The following CLEC6A variants were observed in gnomAD, a reference collection of about 807,000 sequenced individuals.
CLEC6A encodes C-type lectin domain family 6 member A.
Under a neutral mutation model 25.7 loss-of-function variants are expected in CLEC6A, and 22 were observed. That is an observed-to-expected ratio of 0.85 (90% confidence interval 0.61 to 1.22). CLEC6A has a LOEUF of 1.22. CLEC6A is among the 50% of genes most tolerant of loss of function. The pLI, the probability that CLEC6A is intolerant of heterozygous loss-of-function variation, is 0.00. For missense variants in CLEC6A, 240 were observed against 236.8 expected, an observed-to-expected ratio of 1.01 and a Z score of -0.09; for synonymous variants, 92 against 76.7, an observed-to-expected ratio of 1.20 and a Z score of -1.04.
chr12:8,471,525 T>C (rs1157728768), intron 4 of CLEC6A, among the ~76,000 whole-genome samples: 2 of 152,130 alleles, frequency 1.3e-5, no homozygotes, highest in African/African-American at 2.4e-5. Context: ...GGTATGTTTC[T>C]AGAATTCTAT....
At chr12:8,472,412 G>A (rs1939917404) in intron 4 of CLEC6A, among the ~76,000 whole-genome samples, 1 of 152,080 alleles carries the variant, frequency 6.6e-6, no homozygotes, top group Non-Finnish European at 1.5e-5. Context: ...AGTCCCTAAG[G>A]CAGTCCCCTG....
At chr12:8,475,358 G>A (rs1480764694) in intron 4 of CLEC6A, among the ~76,000 whole-genome samples, 1 of 151,748 alleles carries the variant, frequency 6.6e-6, no homozygotes, top group East Asian at 1.9e-4. Flanking sequence ...GTGTGTGTGT[G>A]TGTGTGTGTC....
Position 8,461,131 on chromosome 12 carries a change from C to T in CLEC6A, c.223+1433C>T, listed in dbSNP as rs202223465. On this transcript the variant is annotated intron_variant, in intron 3 of 5. Transcript: ENST00000382073. ...GCTGACATCTGCAGGCTGAAAGAGC[C>T]GTGGCCTTGGAAAGGGCCATAAGTT... is the stretch of plus-strand genomic sequence containing the variant. The T allele has an allele frequency of 1.3e-4, 213 of 1,585,326 alleles. 1 individual carries two copies. The highest frequency in any genetic ancestry group is 2.3e-4 in the South Asian group (21 of 90,676).
intron 4 of CLEC6A, among the ~76,000 whole-genome samples, chr12:8,468,347 G>A (rs1033419070): frequency 2.0e-5 from 3 of 152,176 alleles, no homozygotes; most frequent in African/African-American, 4.8e-5. Context: ...TTTGCATTCT[G>A]AAACTGCTGA....
intron 4 of CLEC6A, among the ~76,000 whole-genome samples, chr12:8,475,009 T>A (rs1293606290): frequency 6.6e-6 from 1 of 152,084 alleles, no homozygotes; most frequent in African/African-American, 2.4e-5. Context: ...TATTAGGTAT[T>A]TCTCCTAATG....
At chr12:8,462,290 A>G (rs1939767709) in intron 3 of CLEC6A, among the ~76,000 whole-genome samples, 1 of 146,306 alleles carries the variant, frequency 6.8e-6, no homozygotes, top group Non-Finnish European at 1.5e-5. Flanking sequence ...CCCATGTGAT[A>G]GTCTGAAATA....
In CLEC6A at chr12:8,457,904, G is replaced by A; in HGVS notation, c.38G>A (p.Arg13Lys). The change falls in exon 2 of 6, where the codon AGA (arginine) becomes AAA (lysine). Residue 13 changes from arginine (R) to lysine (K), a missense_variant. By Grantham distance (26) the Arg-to-Lys change is conservative. Transcript: ENST00000382073. ...QEQQPQSTEKRGWLSLRLWSV... is the reference protein window; with the variant it reads ...QEQQPQSTEKKGWLSLRLWSV... ...TGTCTTCCTGATTGGACAGAGAAAA[G>A]AGGCTGGTTGTCCCTGAGACTCTGG... The A allele has an allele frequency of 6.2e-7, 1 of 1,613,630 alleles. No individual in the cohort carries two copies. Among genetic ancestry groups the A allele is most frequent in the Non-Finnish European group, 8.5e-7 (1 of 1,179,554 alleles).
chr12:8,474,981 C>A (rs1456571136), intron 4 of CLEC6A, among the ~76,000 whole-genome samples: 1 of 151,858 alleles, frequency 6.6e-6, no homozygotes, highest in South Asian at 2.1e-4. Flanking sequence ...TTTGCTGCAC[C>A]CATTAACTCA....
chr12:8,473,003 T>TGG (rs1257327881), intron 4 of CLEC6A, among the ~76,000 whole-genome samples: 2 of 2,048 alleles, frequency 9.8e-4, no homozygotes, highest in Middle Eastern at 0.1. Context: ...TCTTTTTTTT[T>TGG]TTTTTTTTTT....
intron 4 of CLEC6A, among the ~76,000 whole-genome samples, chr12:8,468,436 G>C (rs891997298): frequency 6.6e-6 from 1 of 152,184 alleles, no homozygotes; most frequent in Admixed American, 6.5e-5. Flanking sequence ...TCTGTGAACA[G>C]AGACAATTTT....
intron 4 of CLEC6A, among the ~76,000 whole-genome samples, chr12:8,469,769 A>T (rs1939881816): frequency 6.6e-6 from 1 of 152,232 alleles, no homozygotes; most frequent in African/African-American, 2.4e-5. Context: ...TTCTCATCTT[A>T]TACAAAAATC....
intron 3 of CLEC6A, among the ~76,000 whole-genome samples, chr12:8,460,229 G>C: frequency 6.6e-6 from 1 of 152,308 alleles, no homozygotes; most frequent in East Asian, 1.9e-4. Flanking sequence ...AGACATACCC[G>C]AGACTGGGCA....
At chr12:8,456,918 T>C (rs767073453) in intron 1 of CLEC6A, among the ~76,000 whole-genome samples, 3 of 152,154 alleles carry the variant, frequency 2.0e-5, no homozygotes, top group Non-Finnish European at 2.9e-5. Context: ...GAGACCAGCC[T>C]GGCCAACATG....
intron 4 of CLEC6A, among the ~76,000 whole-genome samples, chr12:8,467,838 T>C (rs764598160): frequency 1.3e-5 from 2 of 152,244 alleles, no homozygotes; most frequent in Non-Finnish European, 2.9e-5. Flanking sequence ...TCCTCTTTGG[T>C]TTCCTTTATC....
chr12:8,464,209 TA>T, intron 3 of CLEC6A, among the ~76,000 whole-genome samples: 2 of 152,170 alleles, frequency 1.3e-5, no homozygotes, highest in East Asian at 3.9e-4. Context: ...TATAGTTATG[TA>T]AAAAAATGAA....
intron 3 of CLEC6A, chr12:8,460,838 C>A: frequency 1.0e-6 from 1 of 995,238 alleles, no homozygotes; most frequent in Non-Finnish European, 1.6e-6. Context: ...CAAAAACGCC[C>A]AGTTCCTAAG....
In CLEC6A at chr12:8,459,651, CAT is replaced by C. The variant is rs1565481616; in HGVS notation, c.179_180del (p.Tyr60SerfsTer9). 6.2e-7 allele frequency: 1 copy of C among 1,613,690 alleles called. No individual in the cohort carries two copies. The highest frequency in any genetic ancestry group is 8.5e-7 in the Non-Finnish European group (1 of 1,179,608). On this transcript the variant is annotated frameshift_variant, in exon 3 of 6. Transcript: ENST00000382073. LOFTEE classifies it high-confidence loss of function. ...GGCAAAAGGCTGTCTGAACTACACT[CAT>C]ATCATTCAAGTCTCACCTGCTTCAG...
chr12:8,461,063 A>G (rs1939747537), intron 3 of CLEC6A: 2 of 1,595,378 alleles, frequency 1.3e-6, no homozygotes, highest in Non-Finnish European at 1.7e-6. Context: ...CCTGACACCC[A>G]GTGGATCACC....
intron 3 of CLEC6A, among the ~76,000 whole-genome samples, chr12:8,462,997 C>T (rs1939782679): frequency 1.3e-5 from 2 of 152,090 alleles, no homozygotes; most frequent in Admixed American, 1.3e-4. Flanking sequence ...TGTTATTTCT[C>T]TTTTAAAATG....
Sources: gnomAD v4.1 joint callset for allele counts (sites outside exome capture counted in the v4.1 genomes callset) on GRCh38, gnomAD v4.1.1 for gene constraint, MANE v1.5 for transcripts, NCBI Gene and HGNC (gene_info 2026-07-23, HGNC 2026-07-21) for gene names.